The following GGA2 variants were observed in gnomAD, a reference collection of about 807,000 sequenced individuals.
The protein encoded by GGA2 is golgi associated, gamma adaptin ear containing, ARF binding protein 2, also known as ADP-ribosylation factor-binding protein GGA2.
GGA2 carries 48 observed loss-of-function variants against 79.5 expected under a neutral mutation model. That is an observed-to-expected ratio of 0.60 (90% CI 0.48 to 0.77). The LOEUF (loss-of-function observed/expected upper bound fraction) is 0.77. GGA2 is among the 30% of genes least tolerant of loss of function. GGA2 has a pLI of 0.00. For missense variants in GGA2, 770 were observed against 774.0 expected (o/e 0.99, Z 0.06); for synonymous variants, 317 against 302.0 (o/e 1.05, Z -0.51).
At chr16:23,507,526 G>A (rs2142144939) in intron 1 of GGA2, among the ~76,000 whole-genome samples, 1 of 152,340 alleles carries the variant, frequency 6.6e-6, no homozygotes, top group Non-Finnish European at 1.5e-5. Flanking sequence ...TACTTGGGAG[G>A]CTGAGGCAGG....
Position 23,474,994 on chromosome 16 carries a change from A to C in GGA2, c.1360T>G (p.Ser454Ala). ...GGAGCCAACGGGCCAGCCTCCCAGG[A>C]CCAACCTGGAGAGGACTTAGTACCT... Reference protein sequence around the residue: ...PPGTKSSPGWSWEAGPLAPSP... With the variant: ...PPGTKSSPGWAWEAGPLAPSP... The change falls in exon 14 of 17, where the codon TCC becomes GCC. Residue 454 changes from serine (S) to alanine (A), a missense_variant. Physicochemically the swap from Ser to Ala is moderately conservative, Grantham distance 99. Transcript: ENST00000309859. The C allele has an allele frequency of 6.2e-7, 1 of 1,608,926 alleles. No individual in the cohort carries two copies. Among genetic ancestry groups the C allele is most frequent in the Non-Finnish European group, 8.5e-7 (1 of 1,175,328 alleles).
intron 16 of GGA2, among the ~76,000 whole-genome samples, chr16:23,468,468 A>C (rs886564199): frequency 1.5e-5 from 2 of 135,280 alleles, no homozygotes; most frequent in African/African-American, 5.7e-5. Context: ...GAGCCACTGC[A>C]CCTGGCCGAC....
chr16:23,478,770 T>C, intron 12 of GGA2, 113 bp downstream of exon 12: 1 of 826,478 alleles, frequency 1.2e-6, no homozygotes, highest in South Asian at 1.4e-5. Flanking sequence ...AAGGCCATGA[T>C]CCCACCGGGA....
chr16:23,482,162 G>C (rs1260717138), intron 9 of GGA2, among the ~76,000 whole-genome samples: 1 of 152,210 alleles, frequency 6.6e-6, no homozygotes, highest in African/African-American at 2.4e-5. Flanking sequence ...TACTTGGGAG[G>C]CTGAGGAAGG....
At position 23,510,468 on chromosome 16, in the gene GGA2, G is replaced by T. The variant is rs958057925; in HGVS notation, c.-57C>A. The T allele has an allele frequency of 6.4e-6, 4 of 628,272 alleles. No individual in the cohort carries two copies. Among genetic ancestry groups the T allele is most frequent in the African/African-American group, 1.9e-5 (1 of 52,374 alleles). 38.9% of individuals were successfully genotyped at this position (628,272 alleles called of 1,614,324 possible). A position where few individuals can be genotyped will look rare whatever the true frequency, so the allele number is the denominator to read the frequency against. ...CCACTGCCTCTTCAGCCGCTGTAGCGTCCTGGCGCTCTCCTCTGCTGACTG... is the reference window on the plus strand; with the variant it reads ...CCACTGCCTCTTCAGCCGCTGTAGCTTCCTGGCGCTCTCCTCTGCTGACTG... On this transcript the variant is annotated 5_prime_UTR_variant, in exon 1 of 17. Transcript: ENST00000309859.
At chr16:23,504,578 C>G (rs1414378040) in intron 1 of GGA2, among the ~76,000 whole-genome samples, 1 of 152,224 alleles carries the variant, frequency 6.6e-6, no homozygotes, top group African/African-American at 2.4e-5. Context: ...TTTCAGAAGA[C>G]TTGAGCAGCT....
At chr16:23,468,551 GC>G (rs1462870576) in intron 16 of GGA2, among the ~76,000 whole-genome samples, 2 of 151,752 alleles carry the variant, frequency 1.3e-5, no homozygotes, top group African/African-American at 2.4e-5. Flanking sequence ...TCGGCTCACT[GC>G]AACCTCCACC....
intron 16 of GGA2, 77 bp from the exon 17 acceptor site, chr16:23,467,777 G>C (rs1964460581): frequency 3.9e-6 from 3 of 764,740 alleles, no homozygotes; most frequent in Non-Finnish European, 7.2e-6. Flanking sequence ...AGTCAAGTGA[G>C]TGTTTCAAAC....
At chr16:23,522,997 C>G (rs977793971), upstream of GGA2, 1 of 152,146 alleles carries the variant, frequency 6.6e-6, no homozygotes, top group African/African-American at 2.4e-5. Context: ...CTGGCTTCCC[C>G]CAAAGTAAGC....
chr16:23,475,050 GA>G lies in GGA2; in HGVS notation c.1303del (p.Ser435ArgfsTer85). ...QPAPCPLNYV[S>X]QKSVPKEVPP... ...CACTTCCTTGGGGACACTTTTCTGC[GA>G]AACATAATTCCTACAAAGAAATAAA... On this transcript the variant is annotated frameshift_variant, in exon 14 of 17. Transcript: ENST00000309859. LOFTEE classifies it high-confidence loss of function. The G allele has an allele frequency of 6.3e-7, 1 of 1,574,832 alleles. No individual in the cohort carries two copies. The highest frequency in any genetic ancestry group is 8.6e-7 in the Non-Finnish European group (1 of 1,164,796).
At chr16:23,487,172 G>A (rs1964726036) in intron 6 of GGA2, among the ~76,000 whole-genome samples, 2 of 152,070 alleles carry the variant, frequency 1.3e-5, no homozygotes, top group African/African-American at 4.8e-5. Context: ...AGTAGAGACA[G>A]GGTTTCACCA....
chr16:23,494,078 C>T, intron 3 of GGA2: 1 of 563,224 alleles, frequency 1.8e-6, no homozygotes, highest in Non-Finnish European at 3.2e-6. Flanking sequence ...TCCTTTCCTT[C>T]TCCCACAGTA....
rs1281276265 is a variant in GGA2 at position 23,466,503 on chromosome 16, T to C, written c.*1087A>G. ...ACATCCTTCATGAAGTTTCCTTTAC[T>C]TCTCGACAGAAGACAGTTCCCTTTA... is the stretch of plus-strand genomic sequence containing the variant. On this transcript the variant is annotated 3_prime_UTR_variant, in exon 17 of 17. Coordinates refer to ENST00000309859, the MANE Select transcript of GGA2 (RefSeq NM_015044.4). 1.3e-5 allele frequency: 2 copies of C among 152,236 alleles called. No homozygotes were observed. Among genetic ancestry groups the C allele is most frequent in the African/African-American group, 4.8e-5 (2 of 41,464 alleles). 9.4% of individuals were successfully genotyped at this position (152,236 alleles called of 1,614,324 possible).
intron 9 of GGA2, among the ~76,000 whole-genome samples, chr16:23,482,358 T>G (rs1964658699): frequency 6.6e-6 from 1 of 152,172 alleles, no homozygotes; most frequent in South Asian, 2.1e-4. Flanking sequence ...GAAGTAAGAT[T>G]AAAAAAATCA....
In GGA2 at chr16:23,510,371, T is replaced by C. The variant is rs1316346528; in HGVS notation, c.41A>G (p.Glu14Gly). 1 of 1,422,282 alleles carries C rather than the reference T, an allele frequency of 7.0e-7. No individual in the cohort carries two copies. The allele number at this position is 1,422,282 out of a possible 1,614,324, so 88.1% of individuals were successfully genotyped here. ...CGGGCCCGGGGGACCCTGGGCCGAC[T>C]CGGTTCCCGCCACAGCCGCCGCCAC... ...TAVAAAVAGT[E>G]SAQGPPGPAA... The change falls in exon 1 of 17, where the codon GAG becomes GGG. Residue 14 changes from glutamate (E) to glycine (G), a missense_variant. By Grantham distance (98) the Glu-to-Gly change is moderately conservative. Coordinates refer to ENST00000309859, the MANE Select transcript of GGA2 (RefSeq NM_015044.4).
chr16:23,475,259 G>C (rs545618671), intron 13 of GGA2, among the ~76,000 whole-genome samples, 198 bp from the exon 14 acceptor site: 1 of 147,570 alleles, frequency 6.8e-6, no homozygotes, highest in Non-Finnish European at 1.5e-5. Flanking sequence ...GAACAGTCTC[G>C]GCTCACTGCA....
chr16:23,483,324 T>A (rs1771015565), intron 8 of GGA2, among the ~76,000 whole-genome samples: 1 of 152,134 alleles, frequency 6.6e-6, no homozygotes, highest in African/African-American at 2.4e-5. Flanking sequence ...CTGGCCAACA[T>A]GGTGAAACCC....
At chr16:23,508,644 C>A (rs1240417914) in intron 1 of GGA2, among the ~76,000 whole-genome samples, 1 of 152,144 alleles carries the variant, frequency 6.6e-6, no homozygotes, top group Non-Finnish European at 1.5e-5. Flanking sequence ...CTCTTCAATG[C>A]TGGGGCTCCC....
Position 23,467,433 on chromosome 16 carries a change from CAG to C in GGA2, c.*155_*156del, listed in dbSNP as rs1555498556. 2.2e-5 allele frequency: 13 copies of C among 589,980 alleles called. No homozygotes were observed. The highest frequency in any genetic ancestry group is 3.4e-5 in the Non-Finnish European group (11 of 323,392). 36.5% of individuals were successfully genotyped at this position (589,980 alleles called of 1,614,324 possible). ...ACACACACACACACACACACACACA[CAG>C]AGCATCTGCAGAATAAGTCAGAGGT... is the stretch of plus-strand genomic sequence containing the variant. On this transcript the variant is annotated 3_prime_UTR_variant, in exon 17 of 17. Transcript: ENST00000309859.
Sources: allele counts gnomAD v4.1 joint callset (sites outside exome capture counted in the v4.1 genomes callset), GRCh38; gene constraint gnomAD v4.1.1; transcripts MANE v1.5; gene names NCBI Gene and HGNC (gene_info 2026-07-23, HGNC 2026-07-21).